Variants in ERCC6L observed in about 807,000 individuals in gnomAD.
The protein encoded by ERCC6L is ERCC excision repair 6 like, spindle assembly checkpoint helicase.
ERCC6L carries 7 observed loss-of-function variants against 20.1 expected under a neutral mutation model. That is an observed-to-expected ratio of 0.35 (90% CI 0.20 to 0.65). The LOEUF is 0.65. Ranked by LOEUF, ERCC6L falls within the 30% of genes least tolerant of loss-of-function variation. The pLI is 0.69. For missense variants in ERCC6L, 592 were observed against 892.4 expected (o/e 0.66, Z 4.29); for synonymous variants, 278 against 331.3 (o/e 0.84, Z 1.75).
intron 1 of ERCC6L, among the ~76,000 whole-genome samples, chrX:72,213,679 C>A (rs1027302755): frequency 8.9e-6 from 1 of 112,272 alleles, no homozygotes; most frequent in Non-Finnish European, 1.9e-5. Context: ...CGCCATTGTT[C>A]CTGCATGGCT....
At chrX:72,238,274 C>T (rs1000698302) in intron 1 of ERCC6L, among the ~76,000 whole-genome samples, 3 of 111,710 alleles carry the variant, frequency 2.7e-5, no homozygotes, top group Non-Finnish European at 3.8e-5. Flanking sequence ...TACCACGCCC[C>T]CCACCCTTAG....
At chrX:72,228,856 G>A (rs368354155) in intron 1 of ERCC6L, among the ~76,000 whole-genome samples, 1 of 110,679 alleles carries the variant, frequency 9.0e-6, no homozygotes, top group Non-Finnish European at 1.9e-5. Context: ...CTCTTGCTGC[G>A]AACTAACTCT....
At chrX:72,237,462 T>G (rs1256181685) in intron 1 of ERCC6L, among the ~76,000 whole-genome samples, 3 of 111,053 alleles carry the variant, frequency 2.7e-5, no homozygotes, top group Non-Finnish European at 5.7e-5. Flanking sequence ...GCCGGGTGTG[T>G]TAGCGGGCGC....
intron 1 of ERCC6L, among the ~76,000 whole-genome samples, chrX:72,228,836 T>C (rs1014613168): frequency 3.6e-5 from 4 of 111,237 alleles, no homozygotes; most frequent in African/African-American, 1.3e-4. Context: ...CTATAAACCT[T>C]ACACAATCCC....
intron 1 of ERCC6L, among the ~76,000 whole-genome samples, chrX:72,224,726 CAA>C (rs1273876190): frequency 9.0e-6 from 1 of 111,584 alleles, no homozygotes. Flanking sequence ...GCCTGGGCAA[CAA>C]GAGCAAAACT....
At chrX:72,234,602 C>G (rs983524649) in intron 1 of ERCC6L, among the ~76,000 whole-genome samples, 1 of 109,790 alleles carries the variant, frequency 9.1e-6, no homozygotes, top group African/African-American at 3.3e-5. Flanking sequence ...TTTTTTTTAA[C>G]AATGAAAGAA....
At position 72,206,168 on chromosome X, in the gene ERCC6L, A is replaced by G; in HGVS notation, c.2599T>C (p.Tyr867His). The G allele has an allele frequency of 8.3e-7, 1 of 1,211,748 alleles. No individual in the cohort carries two copies. The highest frequency in any genetic ancestry group is 1.1e-6 in the Non-Finnish European group (1 of 895,439). Residue 867 changes from tyrosine to histidine, a missense_variant, in exon 2 of 2, where the codon TAT becomes CAT. Coordinates refer to ENST00000334463, the MANE Select transcript of ERCC6L (RefSeq NM_017669.4). ...GCTTTGGTTGATTTGCTAAGTACATAATTAAAACTTTCCAGAGGATCCTCT... is the reference window on the plus strand; with the variant it reads ...GCTTTGGTTGATTTGCTAAGTACATGATTAAAACTTTCCAGAGGATCCTCT... ...LQEDPLESFN[Y>H]VLSKSTKADI...
intron 1 of ERCC6L, among the ~76,000 whole-genome samples, chrX:72,224,500 A>C (rs2042943326): frequency 8.9e-6 from 1 of 111,865 alleles, no homozygotes; most frequent in Non-Finnish European, 1.9e-5. Flanking sequence ...TAATCACAGC[A>C]CTTTGGGAGG....
chrX:72,236,896 A>G (rs770450142), intron 1 of ERCC6L, among the ~76,000 whole-genome samples: 2 of 112,403 alleles, frequency 1.8e-5, no homozygotes, highest in Admixed American at 9.5e-5. Flanking sequence ...TTGCTCACTC[A>G]TGTAAGTGTA....
chrX:72,235,037 C>T (rs2043008330), intron 1 of ERCC6L, among the ~76,000 whole-genome samples: 1 of 111,976 alleles, frequency 8.9e-6, no homozygotes. Context: ...TCTGAGAGGG[C>T]CAGAGTTGGA....
intron 1 of ERCC6L, among the ~76,000 whole-genome samples, chrX:72,235,928 ATAAGT>A (rs2043015076): frequency 1.8e-5 from 2 of 112,217 alleles, no homozygotes; most frequent in Non-Finnish European, 3.8e-5. Flanking sequence ...GAGAAAAAAA[ATAAGT>A]TAAAGTTGTA....
chrX:72,238,764 C>T, intron 1 of ERCC6L, 80 bp downstream of exon 1: 20 of 977,293 alleles, frequency 2.0e-5, no homozygotes, highest in Non-Finnish European at 2.7e-5. Context: ...AGTTCGGGTC[C>T]CCAGGAGGAT....
At position 72,205,970 on chromosome X, in the gene ERCC6L, C is replaced by G; in HGVS notation, c.2797G>C (p.Ala933Pro). ...TCCTCTTCCAACTTGGCCTCACTTG[C>G]TTGAGCATCCTGCAGTGCACTATGG... ...ASHSALQDAQASEAKLEEEPS... is the reference protein window; with the variant it reads ...ASHSALQDAQPSEAKLEEEPS... The change falls in exon 2 of 2, where the codon GCA becomes CCA. Residue 933 changes from alanine to proline, a missense_variant. Around this residue, in one of 3 missense-constraint regions of ERCC6L, gnomAD observed 352 missense variants for 402.6 expected, o/e 0.87. Coordinates refer to ENST00000334463, the MANE Select transcript of ERCC6L (RefSeq NM_017669.4). The G allele has an allele frequency of 2.5e-6, 3 of 1,211,407 alleles. No individual in the cohort carries two copies. Among genetic ancestry groups the G allele is most frequent in the African/African-American group, 1.7e-5 (1 of 57,856 alleles).
At chrX:72,217,083 C>T (rs188913882) in intron 1 of ERCC6L, among the ~76,000 whole-genome samples, 3 of 111,687 alleles carry the variant, frequency 2.7e-5, no homozygotes, top group Admixed American at 9.5e-5. Context: ...TGTTTTTTTC[C>T]GGAGTGATTA....
chrX:72,228,159 A>G (rs1240487648), intron 1 of ERCC6L, among the ~76,000 whole-genome samples: 1 of 112,490 alleles, frequency 8.9e-6, no homozygotes, highest in Non-Finnish European at 1.9e-5. Context: ...ACACAGCAGT[A>G]GGGTGGAAGC....
chrX:72,214,964 A>T (rs2042879846), intron 1 of ERCC6L, among the ~76,000 whole-genome samples: 1 of 111,563 alleles, frequency 9.0e-6, no homozygotes, highest in Non-Finnish European at 1.9e-5. Flanking sequence ...TCCAGCCTGG[A>T]TGAAAAAGCA....
intron 1 of ERCC6L, 108 bp from the exon 2 acceptor site, chrX:72,208,806 C>T (rs2042836001): frequency 1.6e-6 from 1 of 634,061 alleles, no homozygotes; most frequent in Non-Finnish European, 2.4e-6. Context: ...TTTTAATATC[C>T]TCAATTCAGG....
chrX:72,209,822 T>A (rs141478894), intron 1 of ERCC6L, among the ~76,000 whole-genome samples: 1 of 111,559 alleles, frequency 9.0e-6, no homozygotes, highest in Non-Finnish European at 1.9e-5. Flanking sequence ...GTCAATTACT[T>A]TCAGTAAGGG....
rs150691296 is a variant in ERCC6L at position 72,238,416 on chromosome X, A to C, written c.68+428T>G. 4.3e-3 allele frequency among the ~76,000 whole-genome samples: 481 copies of C among 111,552 alleles called. 2 individuals are homozygous for C. Among genetic ancestry groups the C allele is most frequent in the Non-Finnish European group, 5.4e-3 (287 of 53,148 alleles). ...TGCCAACACTGTGCCCTGCACGTAC[A>C]TTATACCTCTTACAGCACTTATCAA... On this transcript the variant is annotated intron_variant, in intron 1 of 1. Coordinates refer to ENST00000334463, the MANE Select transcript of ERCC6L (RefSeq NM_017669.4).
Sources: gnomAD v4.1 joint callset for allele counts (sites outside exome capture counted in the v4.1 genomes callset) on GRCh38, gnomAD v4.1.1 for gene constraint, gnomAD v4.1.1 regional missense constraint, MANE v1.5 for transcripts, NCBI Gene and HGNC (gene_info 2026-07-23, HGNC 2026-07-21) for gene names.